The following EHBP1 variants were observed in gnomAD, a reference collection of about 807,000 sequenced individuals.
The protein encoded by EHBP1 is EH domain-binding protein 1.
EHBP1 carries 55 observed loss-of-function variants against 144.0 expected under a neutral mutation model. The ratio of observed to expected loss-of-function variants is 0.38; its 90% CI spans 0.31 to 0.48. EHBP1 has a LOEUF of 0.48. Ranked by LOEUF, EHBP1 falls within the 20% of genes least tolerant of loss-of-function variation. The pLI, the probability that EHBP1 is intolerant of heterozygous loss-of-function variation, is 0.98. For missense variants in EHBP1, 1,200 were observed against 1,364.2 expected, an observed-to-expected ratio of 0.88 and a Z score of 1.90; for synonymous variants, 469 against 472.7, an observed-to-expected ratio of 0.99 and a Z score of 0.10.
intron 5 of EHBP1, among the ~76,000 whole-genome samples, chr2:62,816,287 CTCT>C (rs2045444468): frequency 6.6e-6 from 1 of 152,104 alleles, no homozygotes; most frequent in Non-Finnish European, 1.5e-5. Context: ...AATAGAGACA[CTCT>C]TCTTATTAAA....
intron 10 of EHBP1, among the ~76,000 whole-genome samples, chr2:62,935,898 T>C (rs1167122281): frequency 1.3e-5 from 2 of 152,188 alleles, no homozygotes; most frequent in Non-Finnish European, 2.9e-5. Context: ...TAGATGATTA[T>C]ATTATATAGC....
intron 13 of EHBP1, among the ~76,000 whole-genome samples, 190 bp from the exon 14 acceptor site, chr2:62,955,327 C>T (rs2057630014): frequency 2.0e-5 from 3 of 152,114 alleles, no homozygotes. Context: ...GTATTTCCCT[C>T]ATGTCAAGAT....
At chr2:62,855,637 T>A (rs935035798) in intron 7 of EHBP1, among the ~76,000 whole-genome samples, 2 of 152,134 alleles carry the variant, frequency 1.3e-5, no homozygotes, top group Non-Finnish European at 2.9e-5. Context: ...AGCCCTGGGC[T>A]CTGTCAGAGC....
At chr2:62,690,457 G>C (rs772670302) in intron 1 of EHBP1, among the ~76,000 whole-genome samples, 10 of 152,258 alleles carry the variant, frequency 6.6e-5, no homozygotes, top group Middle Eastern at 3.4e-3. Context: ...AGCTACTTGG[G>C]AGGCTGAGAC....
chr2:62,770,642 C>T (rs1242703578), intron 4 of EHBP1, among the ~76,000 whole-genome samples: 7 of 152,156 alleles, frequency 4.6e-5, no homozygotes, highest in Non-Finnish European at 1.5e-5. Context: ...TTCAACCCAG[C>T]AATCCCATTA....
intron 10 of EHBP1, among the ~76,000 whole-genome samples, chr2:62,887,442 A>C (rs2052025452): frequency 6.6e-6 from 1 of 152,124 alleles, no homozygotes; most frequent in African/African-American, 2.4e-5. Flanking sequence ...TTAAAATAAC[A>C]TTTAAACCAA....
At chr2:62,953,217 CAAAAAAAAA>C (rs35848429) in intron 13 of EHBP1, among the ~76,000 whole-genome samples, 2 of 64,480 alleles carry the variant, frequency 3.1e-5, no homozygotes, top group East Asian at 5.0e-4. Flanking sequence ...AAGTCCGTCT[CAAAAAAAAA>C]AAAAAAAAAA....
At chr2:62,988,089 G>T in intron 15 of EHBP1, 1 of 1,043,166 alleles carries the variant, frequency 9.6e-7, no homozygotes, top group Non-Finnish European at 1.5e-6. Flanking sequence ...CAAACTTTAT[G>T]GTTATATTTT....
chr2:62,819,012 G>A (rs576838685), intron 5 of EHBP1, among the ~76,000 whole-genome samples: 5 of 152,258 alleles, frequency 3.3e-5, no homozygotes, highest in South Asian at 2.1e-4. Flanking sequence ...AAAGGATGCC[G>A]CAGCTCATTT....
At chr2:62,933,613 A>G (rs577758204) in intron 10 of EHBP1, among the ~76,000 whole-genome samples, 10 of 152,326 alleles carry the variant, frequency 6.6e-5, no homozygotes, top group East Asian at 3.9e-4. Context: ...TGATTACACA[A>G]TATTGAAAAA....
At chr2:62,681,340 G>GTGTGTATATATATATATATATA (rs1171760462) in intron 1 of EHBP1, among the ~76,000 whole-genome samples, 8 of 58,554 alleles carry the variant, frequency 1.4e-4, no homozygotes, top group African/African-American at 6.0e-4. Flanking sequence ...ATGTGTGTGT[G>GTGTGTATATATATATATATATA]TATATATATA....
At chr2:63,032,088 CAGTATAAAA>C (rs1367185724) in intron 19 of EHBP1, among the ~76,000 whole-genome samples, 2 of 151,784 alleles carry the variant, frequency 1.3e-5, no homozygotes, top group Admixed American at 6.6e-5. Context: ...TGCTGACCTT[CAGTATAAAA>C]AAGGTCAGTT....
chr2:62,838,063 A>G (rs1483164389), intron 7 of EHBP1, among the ~76,000 whole-genome samples: 1 of 150,898 alleles, frequency 6.6e-6, no homozygotes, highest in Non-Finnish European at 1.5e-5. Context: ...CACCACACCT[A>G]TTCCAAAATT....
chr2:63,028,220 T>C (rs1483798179), intron 19 of EHBP1, among the ~76,000 whole-genome samples: 1 of 152,198 alleles, frequency 6.6e-6, no homozygotes, highest in Non-Finnish European at 1.5e-5. Flanking sequence ...ATGATAAATA[T>C]ATACGCTTTT....
At chr2:62,764,496 C>G (rs2041018770) in intron 4 of EHBP1, 135 bp downstream of exon 4, 2 of 508,452 alleles carry the variant, frequency 3.9e-6, no homozygotes. Context: ...AGGGACATAG[C>G]AATTTATAAC....
chr2:62,802,840 T>A (rs2044125450), intron 5 of EHBP1, among the ~76,000 whole-genome samples: 1 of 150,378 alleles, frequency 6.6e-6, no homozygotes, highest in Admixed American at 6.7e-5. Flanking sequence ...TTCTCCTGCC[T>A]CAACCTCCCC....
At chr2:62,810,901 T>C (rs1437856391) in intron 5 of EHBP1, among the ~76,000 whole-genome samples, 1 of 152,222 alleles carries the variant, frequency 6.6e-6, no homozygotes, top group African/African-American at 2.4e-5. Flanking sequence ...AAACTTCCCT[T>C]AGCAACTTTG....
intron 19 of EHBP1, among the ~76,000 whole-genome samples, chr2:63,019,523 A>G (rs1375374591): frequency 6.6e-6 from 1 of 152,030 alleles, no homozygotes; most frequent in Non-Finnish European, 1.5e-5. Flanking sequence ...CCTGGCCAAT[A>G]TGGTGAAACC....
chr2:62,796,059 A>G (rs1307005736), intron 5 of EHBP1, among the ~76,000 whole-genome samples: 2 of 151,752 alleles, frequency 1.3e-5, no homozygotes, highest in African/African-American at 4.8e-5. Context: ...AACCTCTTTA[A>G]TATAATTTGT....
Sources: allele counts gnomAD v4.1 joint callset (sites outside exome capture counted in the v4.1 genomes callset), GRCh38; gene constraint gnomAD v4.1.1; transcripts MANE v1.5; gene names NCBI Gene and HGNC (gene_info 2026-07-23, HGNC 2026-07-21).